Variants in SLCO1B3 observed in about 807,000 individuals in gnomAD.
SLCO1B3 encodes the protein liver-specific organic anion transporter 2.
Under a neutral mutation model 71.8 loss-of-function variants are expected in SLCO1B3, and 72 were observed. That is an observed-to-expected ratio of 1.00 (90% CI 0.83 to 1.22). The LOEUF (loss-of-function observed/expected upper bound fraction) is 1.22, where lower values mean the gene tolerates loss of function less well. SLCO1B3 is among the 50% of genes most tolerant of loss of function. SLCO1B3 has a pLI of 0.00. For missense variants in SLCO1B3, 911 were observed against 819.7 expected, an observed-to-expected ratio of 1.11 and a Z score of -1.36; for synonymous variants, 298 against 278.4, an observed-to-expected ratio of 1.07 and a Z score of -0.70.
chr12:20,907,098 GA>G (rs1193609969), intron 15 of SLCO1B3, among the ~76,000 whole-genome samples: 2 of 152,028 alleles, frequency 1.3e-5, no homozygotes, highest in East Asian at 3.9e-4. Flanking sequence ...TATATTATGT[GA>G]AAAAAGGAAG....
intron 3 of SLCO1B3, among the ~76,000 whole-genome samples, chr12:20,827,209 G>A (rs188421282): frequency 5.3e-5 from 8 of 152,146 alleles, no homozygotes; most frequent in Admixed American, 5.2e-4. Context: ...ATATTTAGCA[G>A]GGATAAATAT....
At chr12:20,859,531 T>C (rs927790988) in intron 5 of SLCO1B3, among the ~76,000 whole-genome samples, 3 of 147,610 alleles carry the variant, frequency 2.0e-5, no homozygotes, top group African/African-American at 7.3e-5. Flanking sequence ...TTCTTCTTAA[T>C]GGTACTGCTC....
At chr12:20,873,843 G>T (rs1304758078) in intron 8 of SLCO1B3, among the ~76,000 whole-genome samples, 1 of 152,124 alleles carries the variant, frequency 6.6e-6, no homozygotes, top group Non-Finnish European at 1.5e-5. Context: ...TCCTTCTTGT[G>T]AGAACATGCA....
intron 15 of SLCO1B3, among the ~76,000 whole-genome samples, chr12:20,905,015 A>G (rs1008433205): frequency 6.6e-6 from 1 of 151,814 alleles, no homozygotes; most frequent in Non-Finnish European, 1.5e-5. Context: ...GATACATACT[A>G]GGAATAGGTC....
rs141066147 is a variant in SLCO1B3 at position 20,866,522 on chromosome 12, G to T, written c.727+3668G>T. ...AACTTAAAGCAAAAGGAAAGTGAAT[G>T]ATTTAAAGCTGGAGAACTTCATGCC... On this transcript the variant is annotated intron_variant, in intron 8 of 15. Transcript: ENST00000381545. 3.4e-4 allele frequency among the ~76,000 whole-genome samples: 52 copies of T among 152,244 alleles called. 1 individual carries two copies. In the East Asian group the frequency reaches 9.5e-3, roughly 28 times the overall value.
At chr12:20,866,243 C>T (rs1865371571) in intron 8 of SLCO1B3, among the ~76,000 whole-genome samples, 1 of 151,940 alleles carries the variant, frequency 6.6e-6, no homozygotes, top group Admixed American at 6.6e-5. Context: ...TGCAGCTGGC[C>T]ACTGTTTCAA....
intron 8 of SLCO1B3, among the ~76,000 whole-genome samples, chr12:20,871,255 G>T (rs892688139): frequency 6.6e-6 from 1 of 152,040 alleles, no homozygotes; most frequent in Admixed American, 6.6e-5. Flanking sequence ...AATAGTATTG[G>T]CATTAATTAT....
At chr12:20,833,952 A>G (rs1864611166) in intron 3 of SLCO1B3, among the ~76,000 whole-genome samples, 1 of 145,912 alleles carries the variant, frequency 6.9e-6, no homozygotes, top group South Asian at 2.2e-4. Flanking sequence ...ATATACATAT[A>G]TAAGCTGTAT....
intron 3 of SLCO1B3, among the ~76,000 whole-genome samples, chr12:20,832,962 G>T (rs1030574426): frequency 2.6e-5 from 4 of 151,390 alleles, no homozygotes; most frequent in African/African-American, 9.7e-5. Flanking sequence ...TTATCTTAGA[G>T]ATCTAAAATC....
At chr12:20,910,691 C>A (rs901126135) in intron 15 of SLCO1B3, among the ~76,000 whole-genome samples, 2 of 151,986 alleles carry the variant, frequency 1.3e-5, no homozygotes, top group Admixed American at 6.6e-5. Context: ...TAAATTTATA[C>A]CCAATGTTTC....
At chr12:20,904,027 C>T (rs1471571238) in intron 15 of SLCO1B3, among the ~76,000 whole-genome samples, 1 of 152,024 alleles carries the variant, frequency 6.6e-6, no homozygotes, top group Non-Finnish European at 1.5e-5. Flanking sequence ...ATCACGAGGT[C>T]AGGAGATTGA....
intron 1 of SLCO1B3, among the ~76,000 whole-genome samples, chr12:20,812,777 A>AT (rs1054055788): frequency 2.0e-5 from 3 of 152,242 alleles, no homozygotes; most frequent in African/African-American, 7.2e-5. Context: ...GAGTGGTGAG[A>AT]TAATAGTCTT....
intron 3 of SLCO1B3, among the ~76,000 whole-genome samples, chr12:20,837,627 T>G (rs1864711117): frequency 6.6e-6 from 1 of 152,242 alleles, no homozygotes; most frequent in African/African-American, 2.4e-5. Context: ...ATTTTTCCAG[T>G]TATTTCTGTT....
chr12:20,914,681 T>C (rs1771888195), intron 15 of SLCO1B3, among the ~76,000 whole-genome samples: 2 of 152,188 alleles, frequency 1.3e-5, no homozygotes, highest in African/African-American at 2.4e-5. Context: ...TTTTAAGATT[T>C]CTTGCAAGGA....
intron 3 of SLCO1B3, among the ~76,000 whole-genome samples, chr12:20,847,343 A>G (rs1480112882): frequency 6.6e-6 from 1 of 152,186 alleles, no homozygotes; most frequent in East Asian, 1.9e-4. Flanking sequence ...GGCCTTTGGC[A>G]GGTAAATAGA....
At chr12:20,861,279 A>G (rs141710629) in intron 6 of SLCO1B3, 141 bp downstream of exon 6, 1 of 707,872 alleles carries the variant, frequency 1.4e-6, no homozygotes, top group Non-Finnish European at 2.2e-6. Flanking sequence ...ACAAAATCAT[A>G]CTGTTAATGT....
chr12:20,843,577 G>A (rs953233817), intron 3 of SLCO1B3, among the ~76,000 whole-genome samples: 2 of 151,972 alleles, frequency 1.3e-5, no homozygotes, highest in Admixed American at 6.6e-5. Flanking sequence ...TCAGGAGATT[G>A]AGACCATCCT....
chr12:20,878,408 C>A (rs565039611), intron 10 of SLCO1B3, among the ~76,000 whole-genome samples: 1 of 151,974 alleles, frequency 6.6e-6, no homozygotes, highest in African/African-American at 2.4e-5. Flanking sequence ...TGATTCAAAA[C>A]AAATGTCATA....
chr12:20,895,068 T>C (rs1040704147), intron 13 of SLCO1B3, among the ~76,000 whole-genome samples: 1 of 152,126 alleles, frequency 6.6e-6, no homozygotes, highest in African/African-American at 2.4e-5. Context: ...TGGAACAGCA[T>C]GGGAAAGACC....
Sources: gnomAD v4.1 joint callset for allele counts (sites outside exome capture counted in the v4.1 genomes callset) on GRCh38, gnomAD v4.1.1 for gene constraint, MANE v1.5 for transcripts, NCBI Gene and HGNC (gene_info 2026-07-23, HGNC 2026-07-21) for gene names.